Variants in AP1S2 observed in about 807,000 individuals in gnomAD.
AP1S2 encodes AP-1 complex subunit sigma-2.
Under a neutral mutation model 14.3 loss-of-function variants are expected in AP1S2, and 1 was observed. The observed-to-expected ratio is 0.07, with a 90% CI of 0.02 to 0.33. The LOEUF (loss-of-function observed/expected upper bound fraction) is 0.33, where lower values mean the gene tolerates loss of function less well. AP1S2 is among the 10% of genes least tolerant of loss of function. AP1S2 has a pLI of 0.99. For missense variants in AP1S2, 30 were observed against 117.7 expected (o/e 0.25, Z 3.45); for synonymous variants, 30 against 40.5 (o/e 0.74, Z 0.99).
intron 4 of AP1S2, among the ~76,000 whole-genome samples, chrX:15,833,918 T>C (rs1220422133): frequency 9.0e-6 from 1 of 111,492 alleles, no homozygotes; most frequent in Non-Finnish European, 1.9e-5. Flanking sequence ...AATAGTCACA[T>C]ATAATACTCA....
chrX:15,832,925 T>C (rs1933477970), intron 4 of AP1S2: 3 of 1,070,571 alleles, frequency 2.8e-6, no homozygotes, highest in Non-Finnish European at 1.2e-6. Flanking sequence ...TACATTTTGA[T>C]GCATGTCAGT....
intron 4 of AP1S2, among the ~76,000 whole-genome samples, chrX:15,842,519 A>G (rs1933867293): frequency 8.9e-6 from 1 of 112,350 alleles, no homozygotes; most frequent in South Asian, 3.7e-4. Flanking sequence ...CAATGTCTCA[A>G]TGTGGTACTC....
rs1456617183 is a variant in AP1S2, at chrX:15,839,976, T to A, written c.426+5403A>T. Among the ~76,000 whole-genome samples the A allele has an allele frequency of 2.7e-5, 3 of 111,822 alleles. No individual in the cohort carries two copies. The East Asian group carries it at 8.3e-4, about 31-fold the overall frequency. On this transcript the variant is annotated intron_variant, in intron 4 of 5. Transcript: ENST00000672987. Reference sequence around the variant, plus strand: ...TCCATTTGTATGCAGTCCCACAGATTATTACTTTCACAAAAATATAGCATA... The same window carrying A: ...TCCATTTGTATGCAGTCCCACAGATAATTACTTTCACAAAAATATAGCATA...
intron 4 of AP1S2, chrX:15,832,219 T>A: frequency 1.4e-6 from 1 of 710,723 alleles, no homozygotes; most frequent in Non-Finnish European, 1.7e-6. Flanking sequence ...AACAAAATGA[T>A]GTGCAAATTT....
In AP1S2 at chrX:15,854,813, T is replaced by G; in HGVS notation, c.-126A>C. 1.3e-6 allele frequency: 1 copy of G among 782,630 alleles called. No individual in the cohort carries two copies. Among genetic ancestry groups the G allele is most frequent in the Non-Finnish European group, 1.5e-6 (1 of 658,123 alleles). The allele number at this position is 782,630 out of a possible 1,213,427, so 64.5% of individuals were successfully genotyped here. A position where few individuals can be genotyped will look rare whatever the true frequency, so the allele number is the denominator to read the frequency against. On this transcript the variant is annotated 5_prime_UTR_variant, in exon 1 of 6. The change abolishes an upstream ATG in the 5' untranslated region. Transcript: ENST00000672987. ...CTGTGGGGAGGACACCCGGCTGGCATAGGGCAGGCTTAGGCGGAGAGGGGA... is the reference window on the plus strand; with the variant it reads ...CTGTGGGGAGGACACCCGGCTGGCAGAGGGCAGGCTTAGGCGGAGAGGGGA...
At chrX:15,834,439 AATATATATATATATATATATAT>A (rs1161066866) in intron 4 of AP1S2, among the ~76,000 whole-genome samples, 19 of 25,128 alleles carry the variant, frequency 7.6e-4, no homozygotes, top group South Asian at 7.2e-3. Context: ...TCCCTTCCAA[AATATATATATATATATATATAT>A]ATATATATAT....
Position 15,826,653 on chromosome X carries a change from T to C in AP1S2, c.*672A>G, listed in dbSNP as rs1422831664. ...GTCAAATGTGCCTTGGCCTTAAAAA[T>C]TATGTGCTTACTATTGTGAAACAAT... On this transcript the variant is annotated 3_prime_UTR_variant, in exon 6 of 6. Transcript: ENST00000672987. 1 of 110,854 alleles carries C rather than the reference T, an allele frequency of 9.0e-6. No individual in the cohort carries two copies. The highest frequency in any genetic ancestry group is 1.9e-5 in the Non-Finnish European group (1 of 52,906). The allele number at this position is 110,854 out of a possible 1,213,427, so 9.1% of individuals were successfully genotyped here.
chrX:15,837,605 C>CTTTT (rs35560738), intron 4 of AP1S2, among the ~76,000 whole-genome samples: 4 of 82,611 alleles, frequency 4.8e-5, no homozygotes, highest in African/African-American at 9.3e-5. Context: ...ATAGAGATGA[C>CTTTT]TTTTTTTTTT....
intron 2 of AP1S2, among the ~76,000 whole-genome samples, chrX:15,850,738 T>C (rs746781373): frequency 1.3e-3 from 144 of 110,390 alleles, no homozygotes; most frequent in Non-Finnish European, 2.2e-3. Flanking sequence ...CATAGTCTCC[T>C]ACTGATCCTG....
chrX:15,854,552 C>T (rs1367309379), intron 1 of AP1S2, 136 bp downstream of exon 1: 3 of 144,956 alleles, frequency 2.1e-5, no homozygotes, highest in Non-Finnish European at 3.6e-5. Flanking sequence ...GAGTTGCGGG[C>T]GCGGCGACCC....
At chrX:15,828,768 T>TAA (rs200941651) in intron 4 of AP1S2, among the ~76,000 whole-genome samples, 3 of 95,928 alleles carry the variant, frequency 3.1e-5, no homozygotes, top group African/African-American at 1.1e-4. Context: ...TGACCTCGTT[T>TAA]TAAAAAAAAA....
At chrX:15,849,522 T>C (rs1452696372) in intron 2 of AP1S2, among the ~76,000 whole-genome samples, 1 of 112,557 alleles carries the variant, frequency 8.9e-6, no homozygotes, top group Non-Finnish European at 1.9e-5. Context: ...ACCTTTTGTA[T>C]ATGACTGATA....
chrX:15,843,470 G>A lies in AP1S2; in HGVS notation c.426+1909C>T, dbSNP rs188420447. On this transcript the variant is annotated intron_variant, in intron 4 of 5. Coordinates refer to ENST00000672987, the MANE Select transcript of AP1S2 (RefSeq NM_001272071.2). ...CTCGGGAGGCTGAGGCAGGAGAATC[G>A]CTTGAGCCCGGGAGGCAGAGGTTGC... Among the ~76,000 whole-genome samples the A allele has an allele frequency of 8.9e-3, 995 of 111,590 alleles. 12 individuals are homozygous for A. The highest frequency in any genetic ancestry group is 0.031 in the African/African-American group (952 of 30,653).
intron 4 of AP1S2, among the ~76,000 whole-genome samples, chrX:15,840,965 T>G (rs972359042): frequency 1.8e-5 from 2 of 112,309 alleles, no homozygotes; most frequent in Non-Finnish European, 3.8e-5. Context: ...AAACATGAAG[T>G]TTGGTCTAGA....
At chrX:15,831,287 T>A in intron 4 of AP1S2, 12 of 751,212 alleles carry the variant, frequency 1.6e-5, no homozygotes, top group Non-Finnish European at 1.9e-5. Context: ...TCATATTTTG[T>A]CAAGATGAGA....
At chrX:15,846,084 AT>A in intron 2 of AP1S2, 73 bp from the exon 3 acceptor site, 1 of 773,776 alleles carries the variant, frequency 1.3e-6, no homozygotes, top group Non-Finnish European at 2.0e-6. Context: ...TTCATATCCT[AT>A]TATGAAAAGC....
At chrX:15,837,616 T>TTA (rs1456351934) in intron 4 of AP1S2, among the ~76,000 whole-genome samples, 11 of 104,053 alleles carry the variant, frequency 1.1e-4, no homozygotes, top group African/African-American at 3.9e-4. Flanking sequence ...TTTTTTTTTT[T>TTA]TTTTTTTTTG....
intron 4 of AP1S2, among the ~76,000 whole-genome samples, chrX:15,834,474 ATATATAAT>A (rs1933554183): frequency 3.2e-5 from 1 of 31,501 alleles, no homozygotes; most frequent in Admixed American, 4.9e-4. Context: ...ATATATATAT[ATATATAAT>A]TTTTTTTTTT....
chrX:15,831,662 C>T (rs1452914710), intron 4 of AP1S2: 71 of 772,415 alleles, frequency 9.2e-5, no homozygotes, highest in Non-Finnish European at 1.0e-4. Flanking sequence ...GTAAAGATAA[C>T]TAAAACTTAA....
Sources: allele counts gnomAD v4.1 joint callset (sites outside exome capture counted in the v4.1 genomes callset), GRCh38; gene constraint gnomAD v4.1.1; transcripts MANE v1.5; gene names NCBI Gene and HGNC (gene_info 2026-07-23, HGNC 2026-07-21).